Variants in CAD observed in about 807,000 individuals in gnomAD.
The protein encoded by CAD is multifunctional protein CAD.
In CAD, 81 loss-of-function variants were observed where a neutral mutation model predicts 237.2. The observed-to-expected ratio is 0.34, with a 90% CI of 0.29 to 0.41. The LOEUF is 0.41. CAD is among the 10% of genes least tolerant of loss of function. The probability of loss-of-function intolerance (pLI) is 1.00; values close to 1 mark genes in which losing one functional copy is unlikely to be tolerated. For synonymous variants in CAD, 1,196 were observed against 1,162.8 expected, an observed-to-expected ratio of 1.03 and a Z score of -0.58; for missense variants, 2,181 against 2,951.7, an observed-to-expected ratio of 0.74 and a Z score of 6.05.
chr2:27,222,281 C>G lies in CAD; in HGVS notation c.440C>G (p.Ser147Cys). ...KLVQNGTEPS[S>C]LPFLDPNARP... is the part of the protein sequence containing the mutation. ...GTCCAGAATGGAACAGAACCTTCAT[C>G]CCTGCCATTCTTGGACCCCAATGCC... The change falls in exon 4 of 44, where the codon TCC becomes TGC. Residue 147 changes from serine (S) to cysteine (C), a missense_variant. Around this residue, in one of 12 missense-constraint regions of CAD, gnomAD observed 314 missense variants for 339.4 expected, o/e 0.93. Coordinates refer to ENST00000264705, the MANE Select transcript of CAD (RefSeq NM_004341.5). 1 of 1,613,932 alleles carries G rather than the reference C, an allele frequency of 6.2e-7. No individual in the cohort carries two copies. The highest frequency in any genetic ancestry group is 8.5e-7 in the Non-Finnish European group (1 of 1,179,866).
intron 14 of CAD, 61 bp from the exon 15 acceptor site, chr2:27,226,771 G>T: frequency 2.5e-6 from 4 of 1,606,554 alleles, no homozygotes; most frequent in Non-Finnish European, 3.4e-6. Context: ...AGAGCTATCC[G>T]GAAGCTCACC....
chr2:27,225,345 T>C, intron 11 of CAD, 102 bp downstream of exon 11: 1 of 716,404 alleles, frequency 1.4e-6, no homozygotes, highest in Admixed American at 2.8e-5. Flanking sequence ...TCGCTCTTGT[T>C]GCGCAGGCTG....
In CAD at chr2:27,235,533, C is replaced by A; in HGVS notation, c.3970-3C>A. 1 of 1,614,024 alleles carries A rather than the reference C, an allele frequency of 6.2e-7. No individual in the cohort carries two copies. Among genetic ancestry groups the A allele is most frequent in the South Asian group, 1.1e-5 (1 of 91,074 alleles). On this transcript the variant is annotated splice_polypyrimidine_tract_variant and splice_region_variant and intron_variant, in intron 24 of 43. Transcript: ENST00000264705. The surrounding 1 kb of genome is among the most constrained non-coding windows in gnomAD (Gnocchi z 5.2). ...ACAATTTCATCCTTCTGTTTGGTTTCAGAACAAAAGCGAGCTGCTCCCAAC... is the reference window on the plus strand; with the variant it reads ...ACAATTTCATCCTTCTGTTTGGTTTAAGAACAAAAGCGAGCTGCTCCCAAC...
In CAD at chr2:27,233,906, G is replaced by A; in HGVS notation, c.3399+98G>A. The stretch of plus-strand genomic sequence containing the variant: ...AGCAGAATCATAGGCACCAGGGCTG[G>A]GAACAGTGGGCTATGTGGGGCTCGT... On this transcript the variant is annotated intron_variant, in intron 21 of 43. Transcript: ENST00000264705. The surrounding 1 kb of genome is among the most constrained non-coding windows in gnomAD (Gnocchi z 6.3). 1 of 1,551,620 alleles carries A rather than the reference G, an allele frequency of 6.4e-7. No homozygotes were observed. The highest frequency in any genetic ancestry group is 8.9e-7 in the Non-Finnish European group (1 of 1,129,930).
At position 27,235,273 on chromosome 2, in the gene CAD, C is replaced by T. The variant is rs542636654; in HGVS notation, c.3815C>T (p.Ala1272Val). Residue 1272 changes from alanine (A) to valine (V), a missense_variant, in exon 24 of 44, where the codon GCG becomes GTG. Physicochemically the swap from Ala to Val is moderately conservative, Grantham distance 64. This residue lies in a region of CAD where 306 missense variants were observed against 607.9 expected (regional missense o/e 0.50). Coordinates refer to ENST00000264705, the MANE Select transcript of CAD (RefSeq NM_004341.5). This position sits in a 1 kb window ranked among gnomAD's most constrained non-coding sequence, Gnocchi z 5.2. ...KVPQFSFSRL[A>V]GADVVLGVEM... ...CCTCAGTTCTCCTTCTCCCGCTTGG[C>T]GGGTGCTGACGTGGTGTTGGGTGTG... is the stretch of plus-strand genomic sequence containing the variant. The T allele has an allele frequency of 1.6e-5, 25 of 1,610,910 alleles. No homozygotes were observed. The highest frequency in any genetic ancestry group is 3.3e-5 in the South Asian group (3 of 90,466).
rs536918459 is a variant in CAD at position 27,232,502 on chromosome 2, G to A, written c.2700G>A (p.Val900=). ...LRQELGICPA[V]KQIDTVAAEW... Reference sequence around the variant, plus strand: ...AGGAACTGGGGATCTGTCCAGCAGTGAAACAGATTGACACAGTTGCAGCTG... The same window carrying A: ...AGGAACTGGGGATCTGTCCAGCAGTAAAACAGATTGACACAGTTGCAGCTG... The change falls in exon 18 of 44, where the codon GTG becomes GTA. Residue 900 remains valine, a synonymous_variant. Coordinates refer to ENST00000264705, the MANE Select transcript of CAD (RefSeq NM_004341.5). This position sits in a 1 kb window ranked among gnomAD's most constrained non-coding sequence, Gnocchi z 4.1. The A allele has an allele frequency of 3.7e-6, 6 of 1,614,088 alleles. No homozygotes were observed. The highest frequency in any genetic ancestry group is 1.7e-5 in the Admixed American group (1 of 60,012).
rs905804401 is a variant in CAD, at chr2:27,217,407, A to T, written c.-145A>T. The T allele has an allele frequency of 3.3e-4, 246 of 742,048 alleles. No individual in the cohort carries two copies. Among genetic ancestry groups the T allele is most frequent in the Non-Finnish European group, 5.3e-4 (227 of 424,734 alleles). The allele number at this position is 742,048 out of a possible 1,614,324, so 46.0% of individuals were successfully genotyped here. On this transcript the variant is annotated 5_prime_UTR_variant, in exon 1 of 44. Transcript: ENST00000264705. ...GCCGCCAAGCGCGCCCGAGGCTCCT[A>T]CGCTGCCGCGCCCGGCTTCTCTCCA...
At chr2:27,227,741 T>C (rs1385955562) in intron 15 of CAD, among the ~76,000 whole-genome samples, 1 of 152,224 alleles carries the variant, frequency 6.6e-6, no homozygotes. Context: ...TTGTTTTACA[T>C]CTGTTCAAGT....
In CAD at chr2:27,236,181, A is replaced by G. The variant is rs1379981036; in HGVS notation, c.4075-103A>G. ...CTCAGTGCCCACCCTATGGGTCCTC[A>G]GTCTCCTCATCATGGGCTCCTGGGC... On this transcript the variant is annotated intron_variant, in intron 25 of 43. Transcript: ENST00000264705. The surrounding 1 kb of genome is among the most constrained non-coding windows in gnomAD (Gnocchi z 4.1). 4 of 1,482,970 alleles carry G rather than the reference A, an allele frequency of 2.7e-6. No individual in the cohort carries two copies. The highest frequency in any genetic ancestry group is 2.1e-5 in the Admixed American group (1 of 48,564). 91.9% of individuals were successfully genotyped at this position (1,482,970 alleles called of 1,614,324 possible). A position where few individuals can be genotyped will look rare whatever the true frequency, so the allele number is the denominator to read the frequency against.
At chr2:27,225,643 G>A (rs2148065804) in intron 11 of CAD, 62 bp from the exon 12 acceptor site, 1 of 1,229,834 alleles carries the variant, frequency 8.1e-7, no homozygotes, top group African/African-American at 1.5e-5. Context: ...TTTTTATGTG[G>A]GACAGGCACA....
In CAD at chr2:27,242,551, A is replaced by G. The variant is rs1676372352; in HGVS notation, c.6223-69A>G. ...CCTTCATTCTGCTCCAGAGGCTTTT[A>G]AAAGCTTGGAAATGATGTCGGGGGG... On this transcript the variant is annotated intron_variant, in intron 40 of 43. Coordinates refer to ENST00000264705, the MANE Select transcript of CAD (RefSeq NM_004341.5). This position sits in a 1 kb window ranked among gnomAD's most constrained non-coding sequence, Gnocchi z 6.4. The G allele has an allele frequency of 5.1e-6, 8 of 1,555,758 alleles. No individual in the cohort carries two copies. Among genetic ancestry groups the G allele is most frequent in the Non-Finnish European group, 7.0e-6 (8 of 1,145,296 alleles).
chr2:27,223,850 C>T (rs1675300338), intron 7 of CAD, 67 bp from the exon 8 acceptor site: 10 of 1,541,530 alleles, frequency 6.5e-6, no homozygotes, highest in Non-Finnish European at 9.0e-6. Context: ...GTCCCACTAC[C>T]CACCTCGAGG....
intron 2 of CAD, among the ~76,000 whole-genome samples, chr2:27,218,894 C>T (rs979204707): frequency 8.5e-5 from 13 of 152,192 alleles, no homozygotes; most frequent in African/African-American, 3.1e-4. Flanking sequence ...GCCACCCTGA[C>T]GCTGGGGAGA....
In CAD at chr2:27,242,039, C is replaced by T. The variant is rs61737366; in HGVS notation, c.6012C>T (p.Gly2004=). ...AAGCCACATCGTCCGTCCAGAAGGGCGAATCCCTGGCTGACTCCGTGCAGA... is the reference window on the plus strand; with the variant it reads ...AAGCCACATCGTCCGTCCAGAAGGGTGAATCCCTGGCTGACTCCGTGCAGA... ...FSEATSSVQK[G]ESLADSVQTM... The change falls in exon 39 of 44, where the codon GGC becomes GGT. Residue 2004 remains glycine, a synonymous_variant. Transcript: ENST00000264705. This position sits in a 1 kb window ranked among gnomAD's most constrained non-coding sequence, Gnocchi z 6.4. 1.6e-5 allele frequency: 26 copies of T among 1,613,224 alleles called. No individual in the cohort carries two copies. The highest frequency in any genetic ancestry group is 1.7e-5 in the Non-Finnish European group (20 of 1,180,036).
At position 27,221,355 on chromosome 2, in the gene CAD, G is replaced by T; in HGVS notation, c.352+8G>T. 6.4e-7 allele frequency: 1 copy of T among 1,552,518 alleles called. No homozygotes were observed. Among genetic ancestry groups the T allele is most frequent in the Non-Finnish European group, 8.7e-7 (1 of 1,151,070 alleles). ...GCATCCCTGGCTTGCAAGGTATGGT[G>T]GCAAGCAGGGGCATATTTGGGCAGA... On this transcript the variant is annotated splice_region_variant and intron_variant, in intron 3 of 43. Coordinates refer to ENST00000264705, the MANE Select transcript of CAD (RefSeq NM_004341.5).
chr2:27,236,729 T>G lies in CAD; in HGVS notation c.4315-20T>G, dbSNP rs1448181504. 6.2e-7 allele frequency: 1 copy of G among 1,612,170 alleles called. No individual in the cohort carries two copies. On this transcript the variant is annotated intron_variant, in intron 26 of 43. Coordinates refer to ENST00000264705, the MANE Select transcript of CAD (RefSeq NM_004341.5). The surrounding 1 kb of genome is among the most constrained non-coding windows in gnomAD (Gnocchi z 4.1). ...CCCAGGATCACCCTTCCCTTAAAGC[T>G]GACTGCTTTCCACTTGCAGGCCCTA...
intron 15 of CAD, among the ~76,000 whole-genome samples, chr2:27,228,835 C>A (rs1356364567): frequency 3.3e-5 from 5 of 152,134 alleles, no homozygotes; most frequent in African/African-American, 9.7e-5. Context: ...GGTGATCCAC[C>A]CACCTTTGGC....
intron 6 of CAD, 25 bp downstream of exon 6, chr2:27,223,062 G>A: frequency 6.2e-7 from 1 of 1,612,468 alleles, no homozygotes; most frequent in East Asian, 2.2e-5. Context: ...GAGCAGAAGG[G>A]GCCCATACTT....
In CAD at chr2:27,243,585, C is replaced by A; in HGVS notation, c.*67C>A. The A allele has an allele frequency of 8.7e-7, 1 of 1,154,114 alleles. No individual in the cohort carries two copies. Among genetic ancestry groups the A allele is most frequent in the Non-Finnish European group, 1.3e-6 (1 of 789,820 alleles). The allele number at this position is 1,154,114 out of a possible 1,614,324, so 71.5% of individuals were successfully genotyped here. A position where few individuals can be genotyped will look rare whatever the true frequency, so the allele number is the denominator to read the frequency against. ...GGGCAAGGAATTCCAGTGCCTCCTACGGGGGCAGCACACTTAGATATTCCT... is the reference window on the plus strand; with the variant it reads ...GGGCAAGGAATTCCAGTGCCTCCTAAGGGGGCAGCACACTTAGATATTCCT... On this transcript the variant is annotated 3_prime_UTR_variant, in exon 44 of 44. Coordinates refer to ENST00000264705, the MANE Select transcript of CAD (RefSeq NM_004341.5).
Sources: allele counts gnomAD v4.1 joint callset (sites outside exome capture counted in the v4.1 genomes callset), GRCh38; gene constraint gnomAD v4.1.1; regional missense constraint gnomAD v4.1.1; non-coding constraint Gnocchi (gnomAD v3.1); transcripts MANE v1.5; gene names NCBI Gene and HGNC (gene_info 2026-07-23, HGNC 2026-07-21).